The following CSMD3 variants were observed in gnomAD, a reference collection of about 807,000 sequenced individuals.
CSMD3 encodes the protein CUB and Sushi multiple domains 3, also known as CUB and sushi domain-containing protein 3.
In CSMD3, 177 loss-of-function variants were observed where a neutral mutation model predicts 435.2. That is an observed-to-expected ratio of 0.41 (90% confidence interval 0.36 to 0.46). The LOEUF is 0.46. CSMD3 is among the 20% of genes least tolerant of loss of function. The pLI is 0.34. For missense variants in CSMD3, 4,265 were observed against 4,504.6 expected (o/e 0.95, Z 1.52); for synonymous variants, 1,656 against 1,520.5 (o/e 1.09, Z -2.07).
At chr8:112,411,971 G>A (rs539942725) in intron 32 of CSMD3, among the ~76,000 whole-genome samples, 75 of 151,964 alleles carry the variant, frequency 4.9e-4, no homozygotes, top group Non-Finnish European at 9.6e-4. Context: ...ATAATGCAAT[G>A]GATTATTGCC....
chr8:112,506,913 A>G (rs1822591473), intron 28 of CSMD3, 84 bp from the exon 29 acceptor site: 1 of 1,253,160 alleles, frequency 8.0e-7, no homozygotes, highest in African/African-American at 1.5e-5. Context: ...CACGTCTCTA[A>G]AAGAGCTTAT....
chr8:112,930,266 T>A (rs1470360290), intron 9 of CSMD3, among the ~76,000 whole-genome samples: 1 of 152,126 alleles, frequency 6.6e-6, no homozygotes, highest in African/African-American at 2.4e-5. Context: ...CTCATCCCTA[T>A]ACTACTATCA....
chr8:112,957,539 C>T (rs913721823), intron 7 of CSMD3, among the ~76,000 whole-genome samples: 1 of 151,564 alleles, frequency 6.6e-6, no homozygotes, highest in African/African-American at 2.4e-5. Flanking sequence ...CTGGAACCTC[C>T]GTCCCCCGGA....
chr8:112,587,941 A>C (rs975243631), intron 22 of CSMD3, among the ~76,000 whole-genome samples: 2 of 151,880 alleles, frequency 1.3e-5, no homozygotes, highest in Non-Finnish European at 2.9e-5. Flanking sequence ...GGAACTGTCT[A>C]AACATTTAGG....
In CSMD3 at chr8:112,492,682, T is replaced by C. The variant is rs1820817577; in HGVS notation, c.5085A>G (p.Ala1695=). Residue 1695 remains alanine, a splice_region_variant and synonymous_variant, in exon 31 of 71, where the codon GCA becomes GCG. Coordinates refer to ENST00000297405, the MANE Select transcript of CSMD3 (RefSeq NM_198123.2). ...GATCAAAGCAGGACTCTCGCAGTTT[T>C]GCTGTAAAACAGTGTTAGTATAACA... ...SYTGFHLEYK[A]KLRESCFDPG... is the part of the protein sequence containing the mutation. 1.9e-6 allele frequency: 3 copies of C among 1,613,246 alleles called. No individual in the cohort carries two copies. Among genetic ancestry groups the C allele is most frequent in the East Asian group, 4.5e-5 (2 of 44,868 alleles).
chr8:112,327,033 A>T (rs934608938), intron 45 of CSMD3, among the ~76,000 whole-genome samples: 1 of 152,074 alleles, frequency 6.6e-6, no homozygotes, highest in Non-Finnish European at 1.5e-5. Context: ...AAAATAAATA[A>T]ATAAGTAAAT....
At chr8:113,007,017 A>T (rs1197766556) in intron 6 of CSMD3, among the ~76,000 whole-genome samples, 2 of 151,924 alleles carry the variant, frequency 1.3e-5, no homozygotes, top group Non-Finnish European at 2.9e-5. Flanking sequence ...TCCAAGAAAG[A>T]CCTGAAACAG....
At chr8:112,595,343 C>G (rs1227182921) in intron 22 of CSMD3, among the ~76,000 whole-genome samples, 2 of 147,950 alleles carry the variant, frequency 1.4e-5, no homozygotes, top group East Asian at 4.0e-4. Flanking sequence ...TGAGCAAAGC[C>G]TCCAAGAAAT....
chr8:112,228,820 C>A lies in CSMD3; in HGVS notation c.10900G>T (p.Ala3634Ser), dbSNP rs1236525484. The A allele has an allele frequency of 6.3e-7, 1 of 1,590,168 alleles. No individual in the cohort carries two copies. The highest frequency in any genetic ancestry group is 1.1e-5 in the South Asian group (1 of 90,550). The change falls in exon 70 of 71, where the codon GCT (alanine) becomes TCT (serine). Residue 3634 changes from alanine (A) to serine (S), a missense_variant. Around this residue, in one of 3 missense-constraint regions of CSMD3, gnomAD observed 3,255 missense variants for 3,380.2 expected, o/e 0.96. Transcript: ENST00000297405. ...HGTNSSSVAI[A>S]ILVPFFALIF... ...AGTGCAAAAAAAGGCACAAGAATAG[C>A]AATGGCTACAGAACTACTATTTGTA...
chr8:113,024,579 T>C (rs2086804244), intron 5 of CSMD3, among the ~76,000 whole-genome samples: 1 of 152,166 alleles, frequency 6.6e-6, no homozygotes, highest in African/African-American at 2.4e-5. Flanking sequence ...GTCAACACTG[T>C]AGAAGGGTAC....
intron 3 of CSMD3, among the ~76,000 whole-genome samples, chr8:113,256,084 C>G (rs2093378218): frequency 6.6e-6 from 1 of 151,800 alleles, no homozygotes; most frequent in South Asian, 2.1e-4. Context: ...ATCCTACATG[C>G]TGGTAGTGAA....
intron 3 of CSMD3, among the ~76,000 whole-genome samples, chr8:113,257,557 T>C (rs979855744): frequency 2.6e-5 from 4 of 152,180 alleles, no homozygotes; most frequent in Non-Finnish European, 5.9e-5. Flanking sequence ...TATCTATTCA[T>C]CTGGTGTTCA....
intron 38 of CSMD3, among the ~76,000 whole-genome samples, chr8:112,359,573 CT>C (rs1225065693): frequency 1.3e-5 from 2 of 152,074 alleles, no homozygotes; most frequent in African/African-American, 2.4e-5. Flanking sequence ...CAAAGGAAAG[CT>C]ATCTAATAAC....
chr8:113,213,040 C>T (rs188593977), intron 3 of CSMD3, among the ~76,000 whole-genome samples: 103 of 151,746 alleles, frequency 6.8e-4, no homozygotes, highest in African/African-American at 2.4e-3. Flanking sequence ...TTTCTTATCG[C>T]ATTTATATAT....
chr8:113,397,821 A>AAAATAAAT lies in CSMD3; in HGVS notation c.178+38848_178+38855dup, dbSNP rs10615805. Among the ~76,000 whole-genome samples the AAAATAAAT allele has an allele frequency of 4.6e-3, 664 of 143,136 alleles. 4 individuals carry two copies. The highest frequency in any genetic ancestry group is 0.01 in the African/African-American group (405 of 38,694). The allele number at this position is 143,136 out of a possible 152,430, so 93.9% of individuals were successfully genotyped here. Reference sequence around the variant, plus strand: ...CGCGAAGGAGCGAGAGTCCGTCTCAAAAATAAATAAATAAATAAATAAATA... The same window carrying AAAATAAAT: ...CGCGAAGGAGCGAGAGTCCGTCTCAAAAATAAATAAATAAATAAATAAATAAATAAATA... On this transcript the variant is annotated intron_variant, in intron 1 of 70. Transcript: ENST00000297405.
chr8:112,588,790 T>C (rs1343081251), intron 22 of CSMD3, among the ~76,000 whole-genome samples: 8 of 152,288 alleles, frequency 5.3e-5, no homozygotes, highest in African/African-American at 1.7e-4. Context: ...TTCTCATTCA[T>C]ACTATGCCTC....
chr8:112,603,527 T>C (rs1832543304), intron 22 of CSMD3, among the ~76,000 whole-genome samples: 1 of 152,240 alleles, frequency 6.6e-6, no homozygotes, highest in African/African-American at 2.4e-5. Context: ...GGCATCTTTA[T>C]ATTTATTTAC....
At chr8:113,067,242 G>C (rs1336640137) in intron 5 of CSMD3, among the ~76,000 whole-genome samples, 2 of 152,022 alleles carry the variant, frequency 1.3e-5, no homozygotes, top group African/African-American at 2.4e-5. Flanking sequence ...GTTCTTTATA[G>C]CAATGTGAGA....
chr8:112,332,059 A>G (rs1824118154), intron 45 of CSMD3, among the ~76,000 whole-genome samples: 1 of 152,134 alleles, frequency 6.6e-6, no homozygotes, highest in African/African-American at 2.4e-5. Flanking sequence ...AAATAAATGC[A>G]AACAACTTTT....
Sources: allele counts gnomAD v4.1 joint callset (sites outside exome capture counted in the v4.1 genomes callset), GRCh38; gene constraint gnomAD v4.1.1; regional missense constraint gnomAD v4.1.1; transcripts MANE v1.5; gene names NCBI Gene and HGNC (gene_info 2026-07-23, HGNC 2026-07-21).